Variants in RGS3 observed in about 807,000 individuals in gnomAD.
The protein encoded by RGS3 is regulator of G protein signaling 3, also known as regulator of G-protein signalling 3.
A neutral mutation model predicts 132.6 loss-of-function variants in RGS3; 80 were observed. That is an observed-to-expected ratio of 0.60 (90% CI 0.50 to 0.73). The LOEUF (loss-of-function observed/expected upper bound fraction) is 0.73. Ranked by LOEUF, RGS3 falls within the 30% of genes least tolerant of loss-of-function variation. The pLI, the probability that RGS3 is intolerant of heterozygous loss-of-function variation, is 0.00. For missense variants in RGS3, 1,382 were observed against 1,530.8 expected (o/e 0.90, Z 1.62); for synonymous variants, 598 against 620.6 (o/e 0.96, Z 0.54).
In RGS3 at chr9:113,564,975, C is replaced by T; in HGVS notation, c.2038-18475C>T. 3 of 1,018,740 alleles carry T rather than the reference C, an allele frequency of 2.9e-6. No individual in the cohort carries two copies. In the South Asian group the frequency reaches 1.1e-4, roughly 36 times the overall value. 63.1% of individuals were successfully genotyped at this position (1,018,740 alleles called of 1,614,324 possible). ...TGGTCTTGCAGGGAGCGGCTGCCAG[C>T]AGGCCGGCTGGAGGCGGCTTTGCGC... On this transcript the variant is annotated intron_variant, in intron 19 of 24. Transcript: ENST00000350696.
At chr9:113,447,603 CATTT>C (rs903949423) in intron 1 of RGS3, among the ~76,000 whole-genome samples, 6 of 151,598 alleles carry the variant, frequency 4.0e-5, no homozygotes, top group Non-Finnish European at 5.9e-5. Context: ...TTTGCTCATT[CATTT>C]ATTTGCTATA....
In RGS3 at chr9:113,506,338, G is replaced by T. The variant is rs1285850379; in HGVS notation, c.980-50G>T. 1 of 1,182,004 alleles carries T rather than the reference G, an allele frequency of 8.5e-7. No homozygotes were observed. 73.2% of individuals were successfully genotyped at this position (1,182,004 alleles called of 1,614,324 possible). A position where few individuals can be genotyped will look rare whatever the true frequency, so the allele number is the denominator to read the frequency against. ...AGCAAAGGACTCCAGATCCTTTGAA[G>T]GGGTCTTAGGCTTCAGGGGCCCCTG... On this transcript the variant is annotated intron_variant, in intron 11 of 24. Transcript: ENST00000350696. This position sits in a 1 kb window ranked among gnomAD's most constrained non-coding sequence, Gnocchi z 4.7.
In RGS3 at chr9:113,557,605, G is replaced by C. The variant is rs141779434; in HGVS notation, c.2037+20687G>C. On this transcript the variant is annotated intron_variant, in intron 19 of 24. Transcript: ENST00000350696. ...TCTGGTCAGGCAGATCTCAGATGTC[G>C]TCTACTTCTCGGCTCATCAACCAGC... Among the ~76,000 whole-genome samples, 250 of 152,342 alleles carry C rather than the reference G, an allele frequency of 1.6e-3. 2 individuals carry two copies. Among genetic ancestry groups the C allele is most frequent in the African/African-American group, 5.5e-3 (230 of 41,570 alleles).
intron 3 of RGS3, among the ~76,000 whole-genome samples, chr9:113,476,549 C>T (rs1829999726): frequency 6.6e-6 from 1 of 152,164 alleles, no homozygotes; most frequent in Non-Finnish European, 1.5e-5. Flanking sequence ...TAACAGGGTA[C>T]AGGGCACCCT....
intron 3 of RGS3, among the ~76,000 whole-genome samples, chr9:113,466,463 T>G (rs1282898768): frequency 1.3e-5 from 2 of 152,244 alleles, no homozygotes; most frequent in Non-Finnish European, 2.9e-5. Context: ...TGTGTACACA[T>G]GAACACAACC....
chr9:113,588,041 A>C (rs1835210573), intron 20 of RGS3, among the ~76,000 whole-genome samples: 1 of 152,218 alleles, frequency 6.6e-6, no homozygotes, highest in African/African-American at 2.4e-5. Flanking sequence ...AGTCCAGCCT[A>C]TCTGGCTCAG....
chr9:113,587,068 G>A (rs559209020), intron 20 of RGS3, among the ~76,000 whole-genome samples: 55 of 152,206 alleles, frequency 3.6e-4, no homozygotes, highest in Admixed American at 6.5e-4. Context: ...CTGCAAAGTG[G>A]ACAGGCACTT....
chr9:113,596,644 A>G, intron 24 of RGS3, 124 bp from the exon 23 acceptor site: 1 of 747,916 alleles, frequency 1.3e-6, no homozygotes, highest in Non-Finnish European at 2.1e-6. Flanking sequence ...ACTTCAGATG[A>G]ACCTTAAGAT....
chr9:113,485,852 C>T (rs1417853913), intron 7 of RGS3, among the ~76,000 whole-genome samples, 159 bp downstream of exon 5: 2 of 152,218 alleles, frequency 1.3e-5, no homozygotes, highest in African/African-American at 4.8e-5. Flanking sequence ...GAGTCTCCAT[C>T]ATTCCAGGTG....
At chr9:113,582,118 C>T (rs1168158091) in intron 19 of RGS3, 35 of 985,292 alleles carry the variant, frequency 3.6e-5, no homozygotes, top group African/African-American at 5.2e-5. Flanking sequence ...CTGCAGCTGC[C>T]CCAAGCCATG....
intron 1 of RGS3, among the ~76,000 whole-genome samples, chr9:113,451,459 A>G (rs952980643): frequency 6.6e-6 from 1 of 152,146 alleles, no homozygotes; most frequent in African/African-American, 2.4e-5. Flanking sequence ...TACTCTACAT[A>G]AGCCTTATAT....
chr9:113,515,560 G>A (rs542108628), intron 15 of RGS3, among the ~76,000 whole-genome samples: 7 of 151,622 alleles, frequency 4.6e-5, no homozygotes. Context: ...GAACCTGGGG[G>A]GTGGAGGTTG....
chr9:113,590,348 T>C (rs1349577555), intron 20 of RGS3, among the ~76,000 whole-genome samples: 9 of 147,140 alleles, frequency 6.1e-5, no homozygotes, highest in African/African-American at 2.3e-4. Context: ...CCTTCATCCA[T>C]CCACCCACCC....
At chr9:113,517,360 C>G (rs780833401) in intron 15 of RGS3, 181 bp from the exon 14 acceptor site, 85 of 695,156 alleles carry the variant, frequency 1.2e-4, no homozygotes, top group Admixed American at 2.6e-4. Flanking sequence ...AGCAGCGTCT[C>G]TCTTTCTGTT....
At chr9:113,508,694 C>A in intron 14 of RGS3, 114 bp downstream of exon 12, 1 of 1,002,172 alleles carries the variant, frequency 1.0e-6, no homozygotes, top group Non-Finnish European at 1.5e-6. Flanking sequence ...GGAGTCAGGT[C>A]ACTTAGCCTA....
chr9:113,565,432 G>A lies in RGS3; in HGVS notation c.2038-18018G>A. ...CAAGTAGGAGGAGGAGGAAGAGGAG[G>A]AGGGACGGGTGATGCAAGGGTTTTG... On this transcript the variant is annotated intron_variant, in intron 19 of 24. Coordinates refer to ENST00000350696, the Ensembl canonical transcript of RGS3. This position sits in a 1 kb window ranked among gnomAD's most constrained non-coding sequence, Gnocchi z 5.7. 1.6e-6 allele frequency: 2 copies of A among 1,253,436 alleles called. No homozygotes were observed. Among genetic ancestry groups the A allele is most frequent in the South Asian group, 1.2e-5 (1 of 80,724 alleles). The allele number at this position is 1,253,436 out of a possible 1,614,324, so 77.6% of individuals were successfully genotyped here.
Position 113,463,601 on chromosome 9 carries a change from C to CCCCCCCA in RGS3, c.415+1401_415+1402insCCCCCAC. 2.8e-6 allele frequency: 3 copies of CCCCCCCA among 1,082,440 alleles called. No individual in the cohort carries two copies. The highest frequency in any genetic ancestry group is 3.6e-6 in the Non-Finnish European group (3 of 822,386). 67.1% of individuals were successfully genotyped at this position (1,082,440 alleles called of 1,614,324 possible). On this transcript the variant is annotated intron_variant, in intron 3 of 24. Transcript: ENST00000350696. The surrounding 1 kb of genome is among the most constrained non-coding windows in gnomAD (Gnocchi z 4.6). ...GCGGCGCCGCCTCCCCCACCCCGGC[C>CCCCCCCA]CAGCTCTGCTCCGGCAGGTGGAACT...
chr9:113,465,862 A>G (rs1829623198), intron 3 of RGS3, among the ~76,000 whole-genome samples: 1 of 152,144 alleles, frequency 6.6e-6, no homozygotes, highest in South Asian at 2.1e-4. Context: ...AGCATTTGAG[A>G]AATTCTCTCC....
intron 19 of RGS3, chr9:113,541,758 AGGAGAGGTTG>A: frequency 9.7e-7 from 1 of 1,027,334 alleles, no homozygotes. Context: ...TGGGGGCAGC[AGGAGAGGTTG>A]GGAGAGGTCA....
Sources: allele counts gnomAD v4.1 joint callset (sites outside exome capture counted in the v4.1 genomes callset), GRCh38; gene constraint gnomAD v4.1.1; non-coding constraint Gnocchi (gnomAD v3.1); transcripts MANE v1.5; gene names NCBI Gene and HGNC (gene_info 2026-07-23, HGNC 2026-07-21).